The following PTPRD variants were observed in gnomAD, a reference collection of about 807,000 sequenced individuals.
PTPRD encodes receptor-type tyrosine-protein phosphatase delta.
PTPRD carries 34 observed loss-of-function variants against 214.5 expected under a neutral mutation model. The ratio of observed to expected loss-of-function variants is 0.16; its 90% CI spans 0.12 to 0.21. The LOEUF (loss-of-function observed/expected upper bound fraction) is 0.21, where lower values mean the gene tolerates loss of function less well. Ranked by LOEUF, PTPRD falls within the 10% of genes least tolerant of loss-of-function variation. The pLI is 1.00. For missense variants in PTPRD, 2,545 were observed against 2,398.7 expected (o/e 1.06, Z -1.27); for synonymous variants, 1,128 against 845.7 (o/e 1.33, Z -5.79).
At chr9:9,318,512 G>A (rs959724024) in intron 9 of PTPRD, among the ~76,000 whole-genome samples, 1 of 152,060 alleles carries the variant, frequency 6.6e-6, no homozygotes, top group African/African-American at 2.4e-5. Context: ...AGAAACCAAA[G>A]TATTACAAAA....
chr9:8,635,080 A>T (rs1157317258), intron 13 of PTPRD, among the ~76,000 whole-genome samples: 1 of 147,792 alleles, frequency 6.8e-6, no homozygotes, highest in African/African-American at 2.5e-5. Context: ...TTAAATATAT[A>T]TTATATATAT....
At chr9:9,648,155 A>G (rs2096244801) in intron 7 of PTPRD, among the ~76,000 whole-genome samples, 1 of 152,148 alleles carries the variant, frequency 6.6e-6, no homozygotes, top group Admixed American at 6.6e-5. Context: ...ACAAATATGT[A>G]CTTATACTCA....
intron 9 of PTPRD, among the ~76,000 whole-genome samples, chr9:9,335,614 A>T (rs7866679): frequency 0.17 from 25,762 of 152,030 alleles, 2,379 homozygotes; most frequent in East Asian, 0.33. Flanking sequence ...CAGTGTTAAA[A>T]TACAATAATA....
intron 12 of PTPRD, among the ~76,000 whole-genome samples, chr9:8,655,108 A>T (rs181529168): frequency 6.6e-6 from 1 of 152,232 alleles, no homozygotes; most frequent in Non-Finnish European, 1.5e-5. Context: ...AGTTAAAAAA[A>T]TAGGAAAGAT....
intron 8 of PTPRD, among the ~76,000 whole-genome samples, chr9:9,560,692 G>A (rs554646414): frequency 6.6e-6 from 1 of 152,202 alleles, no homozygotes; most frequent in Non-Finnish European, 1.5e-5. Flanking sequence ...AGTCCAAGGG[G>A]AGTGGGTGGA....
At chr9:10,401,790 C>T (rs1350861444) in intron 2 of PTPRD, among the ~76,000 whole-genome samples, 1 of 150,626 alleles carries the variant, frequency 6.6e-6, no homozygotes, top group Non-Finnish European at 1.5e-5. Context: ...ATAAAAATTT[C>T]ATATGTGTCC....
chr9:8,983,620 T>A (rs922490033), intron 11 of PTPRD, among the ~76,000 whole-genome samples: 3 of 149,690 alleles, frequency 2.0e-5, no homozygotes, highest in African/African-American at 7.3e-5. Flanking sequence ...GCAATCCTCC[T>A]GCCTCAGCCT....
chr9:10,025,302 G>C (rs1227883497), intron 4 of PTPRD, among the ~76,000 whole-genome samples: 1 of 152,110 alleles, frequency 6.6e-6, no homozygotes, highest in Non-Finnish European at 1.5e-5. Context: ...GTTGTTTCCT[G>C]ACATTTTAAT....
intron 10 of PTPRD, among the ~76,000 whole-genome samples, chr9:9,148,063 C>T (rs888950662): frequency 2.0e-5 from 3 of 152,066 alleles, no homozygotes; most frequent in African/African-American, 7.2e-5. Flanking sequence ...CATATGGAAG[C>T]ATTATGATTT....
chr9:9,472,835 C>T (rs2094720375), intron 8 of PTPRD, among the ~76,000 whole-genome samples: 1 of 152,062 alleles, frequency 6.6e-6, no homozygotes, highest in Non-Finnish European at 1.5e-5. Context: ...TACTTTTATT[C>T]TCTTATTTTT....
intron 2 of PTPRD, among the ~76,000 whole-genome samples, chr9:10,371,457 C>CA (rs1302655598): frequency 6.6e-6 from 1 of 151,956 alleles, no homozygotes; most frequent in Non-Finnish European, 1.5e-5. Flanking sequence ...CTTTTGATAC[C>CA]ATTTAAAATG....
At position 9,581,906 on chromosome 9, in the gene PTPRD, A is replaced by T. The variant is rs545972428; in HGVS notation, c.-286-7125T>A. Among the ~76,000 whole-genome samples, 3 of 152,176 alleles carry T rather than the reference A, an allele frequency of 2.0e-5. 1 individual carries two copies. Among genetic ancestry groups the T allele is most frequent in the African/African-American group, 4.8e-5 (2 of 41,460 alleles). On this transcript the variant is annotated intron_variant, in intron 7 of 45. Coordinates refer to ENST00000381196, the MANE Select transcript of PTPRD (RefSeq NM_002839.4). The stretch of plus-strand genomic sequence containing the variant: ...TATTTACCAGCCACTACTATACTAT[A>T]ATGTGAGGTTAAAGTCACAAATAAG...
intron 9 of PTPRD, among the ~76,000 whole-genome samples, chr9:9,213,323 C>A (rs2099950013): frequency 1.3e-5 from 2 of 152,048 alleles, no homozygotes; most frequent in South Asian, 2.1e-4. Flanking sequence ...GGTTTGGGGA[C>A]AACAGGAAAG....
At chr9:9,107,518 G>C (rs1185612152) in intron 10 of PTPRD, among the ~76,000 whole-genome samples, 3 of 152,134 alleles carry the variant, frequency 2.0e-5, no homozygotes, top group Non-Finnish European at 2.9e-5. Flanking sequence ...AGTTGTGAAT[G>C]ATCCATTGCC....
chr9:10,231,977 A>T (rs891721278), intron 3 of PTPRD, among the ~76,000 whole-genome samples: 4 of 121,534 alleles, frequency 3.3e-5, no homozygotes, highest in Admixed American at 2.6e-4. Flanking sequence ...AGAGAGAGAG[A>T]GAGAGAGAGA....
intron 3 of PTPRD, among the ~76,000 whole-genome samples, chr9:10,133,346 A>G (rs2098916083): frequency 6.6e-6 from 1 of 152,198 alleles, no homozygotes; most frequent in Non-Finnish European, 1.5e-5. Flanking sequence ...TATGGACTAG[A>G]TTCCTACAGC....
chr9:8,938,782 C>A (rs1051628821), intron 11 of PTPRD, among the ~76,000 whole-genome samples: 1 of 152,042 alleles, frequency 6.6e-6, no homozygotes, highest in Non-Finnish European at 1.5e-5. Flanking sequence ...TTTGTGGACA[C>A]ATTTTCTACA....
At chr9:10,286,232 T>C (rs1193132570) in intron 3 of PTPRD, among the ~76,000 whole-genome samples, 2 of 151,996 alleles carry the variant, frequency 1.3e-5, no homozygotes, top group Non-Finnish European at 2.9e-5. Context: ...CTTTAAAAAA[T>C]ATCTGATGTC....
intron 3 of PTPRD, among the ~76,000 whole-genome samples, chr9:10,206,078 A>G (rs1431846709): frequency 1.3e-5 from 2 of 151,384 alleles, no homozygotes; most frequent in South Asian, 2.1e-4. Context: ...CAGGGAGGGC[A>G]TCACAGAGCG....
Sources: gnomAD v4.1 joint callset for allele counts (sites outside exome capture counted in the v4.1 genomes callset) on GRCh38, gnomAD v4.1.1 for gene constraint, MANE v1.5 for transcripts, NCBI Gene and HGNC (gene_info 2026-07-23, HGNC 2026-07-21) for gene names.